ACER3: variants seen among roughly 807,000 people sequenced by gnomAD.
ACER3 encodes alkaline ceramidase 3, also known as alkCDase 3.
ACER3 carries 16 observed loss-of-function variants against 48.9 expected under a neutral mutation model. The observed-to-expected ratio is 0.33, with a 90% CI of 0.22 to 0.50. The LOEUF is 0.50. Among genes scored for constraint, ACER3 ranks in the 20% least tolerant of loss-of-function variants. The pLI, the probability that ACER3 is intolerant of heterozygous loss-of-function variation, is 0.98. For missense variants in ACER3, 227 were observed against 326.0 expected (o/e 0.70, Z 2.34); for synonymous variants, 109 against 107.8 (o/e 1.01, Z -0.07).
At chr11:76,907,836 A>G (rs1429872990) in intron 1 of ACER3, among the ~76,000 whole-genome samples, 1 of 152,176 alleles carries the variant, frequency 6.6e-6, no homozygotes, top group Non-Finnish European at 1.5e-5. Flanking sequence ...ATACCACTGC[A>G]CTCCAGCCTG....
At chr11:76,995,731 C>G (rs975657242) in intron 6 of ACER3, among the ~76,000 whole-genome samples, 2 of 152,118 alleles carry the variant, frequency 1.3e-5, no homozygotes, top group African/African-American at 4.8e-5. Context: ...AGGTAGGCCA[C>G]TAGCAGTGGG....
intron 6 of ACER3, among the ~76,000 whole-genome samples, chr11:76,993,196 GC>G (rs1948838533): frequency 3.3e-5 from 5 of 152,174 alleles, no homozygotes; most frequent in Admixed American, 2.6e-4. Flanking sequence ...CTTTTTAAGT[GC>G]CTTCAATGTT....
At chr11:76,948,334 T>C (rs1947538717) in intron 2 of ACER3, among the ~76,000 whole-genome samples, 1 of 151,680 alleles carries the variant, frequency 6.6e-6, no homozygotes, top group Non-Finnish European at 1.5e-5. Flanking sequence ...TCTGTTCCCT[T>C]GAGGGTAGAT....
At chr11:76,890,513 G>T (rs558290959) in intron 1 of ACER3, among the ~76,000 whole-genome samples, 1 of 152,170 alleles carries the variant, frequency 6.6e-6, no homozygotes, top group Non-Finnish European at 1.5e-5. Context: ...GGATACTAGA[G>T]AAATGATGAA....
chr11:76,960,325 C>T (rs1284533770), intron 3 of ACER3, among the ~76,000 whole-genome samples: 2 of 151,994 alleles, frequency 1.3e-5, no homozygotes, highest in African/African-American at 4.8e-5. Context: ...AGGAGAATCT[C>T]TTGAGCCTGG....
At chr11:76,932,158 C>G (rs897645040) in intron 2 of ACER3, among the ~76,000 whole-genome samples, 1 of 152,008 alleles carries the variant, frequency 6.6e-6, no homozygotes, top group Non-Finnish European at 1.5e-5. Context: ...CCATGTTGCC[C>G]AGGCTAATCT....
chr11:76,974,904 A>T (rs6592689), intron 3 of ACER3, among the ~76,000 whole-genome samples: 1 of 152,100 alleles, frequency 6.6e-6, no homozygotes, highest in Admixed American at 6.5e-5. Context: ...CTGCAGACCT[A>T]TTTCAAGCTG....
At position 76,902,677 on chromosome 11, in the gene ACER3, A is replaced by G. The variant is rs946859752; in HGVS notation, c.104-23880A>G. On this transcript the variant is annotated intron_variant, in intron 1 of 10. Coordinates refer to ENST00000532485, the MANE Select transcript of ACER3 (RefSeq NM_018367.7). ...CCTGTGGTGTTATTCAAAGTTTACA[A>G]TATTGCACTAAACACGATAAAAATA... Among the ~76,000 whole-genome samples the G allele has an allele frequency of 2.4e-4, 36 of 152,332 alleles. 1 individual carries two copies. Among genetic ancestry groups the G allele is most frequent in the African/African-American group, 8.4e-4 (35 of 41,584 alleles).
At chr11:76,913,276 C>T (rs1459354937) in intron 1 of ACER3, among the ~76,000 whole-genome samples, 3 of 152,064 alleles carry the variant, frequency 2.0e-5, no homozygotes, top group Non-Finnish European at 2.9e-5. Flanking sequence ...TGGGCTGAGA[C>T]GATGGGGTTT....
At chr11:76,865,377 A>G (rs1241885157) in intron 1 of ACER3, among the ~76,000 whole-genome samples, 1 of 152,048 alleles carries the variant, frequency 6.6e-6, no homozygotes, top group African/African-American at 2.4e-5. Context: ...AAATCTCTCC[A>G]AGAGTTCCTT....
chr11:76,925,986 C>T (rs1946820189), intron 1 of ACER3, among the ~76,000 whole-genome samples: 2 of 152,034 alleles, frequency 1.3e-5, no homozygotes, highest in Admixed American at 6.6e-5. Flanking sequence ...TTCATGTTTG[C>T]ACTTTGTTTT....
At chr11:77,003,162 G>A (rs1318654040) in intron 7 of ACER3, among the ~76,000 whole-genome samples, 1 of 152,146 alleles carries the variant, frequency 6.6e-6, no homozygotes, top group Admixed American at 6.5e-5. Context: ...TTAAACATAT[G>A]CAGAAAAATA....
intron 4 of ACER3, among the ~76,000 whole-genome samples, chr11:76,977,655 A>G (rs1948476315): frequency 1.3e-5 from 2 of 152,184 alleles, no homozygotes; most frequent in South Asian, 2.1e-4. Flanking sequence ...GCCCAGTTAG[A>G]GCAGCCACTG....
chr11:77,014,128 C>T (rs1391135530), intron 7 of ACER3, among the ~76,000 whole-genome samples: 2 of 152,134 alleles, frequency 1.3e-5, no homozygotes, highest in African/African-American at 4.8e-5. Flanking sequence ...AAATGTAAGT[C>T]AGTTATACCT....
rs782453531 is a variant in ACER3, at chr11:77,020,262, G to C, written c.751-12G>C. 6 of 1,612,990 alleles carry C rather than the reference G, an allele frequency of 3.7e-6. No individual in the cohort carries two copies. The East Asian group carries it at 1.1e-4, about 30-fold the overall frequency. On this transcript the variant is annotated splice_polypyrimidine_tract_variant and intron_variant, in intron 10 of 10. Transcript: ENST00000532485. ...GTCTTTTCTCATTTTGTCCTAATTT[G>C]TCCCCAAACAGTTTCTCTTTGGAAT...
At chr11:77,004,990 T>G (rs1298786233) in intron 7 of ACER3, among the ~76,000 whole-genome samples, 1 of 151,942 alleles carries the variant, frequency 6.6e-6, no homozygotes, top group Non-Finnish European at 1.5e-5. Context: ...CTCTGGTTTT[T>G]TGCTTTTATA....
At chr11:76,949,621 G>A (rs932177622) in intron 2 of ACER3, among the ~76,000 whole-genome samples, 9 of 151,946 alleles carry the variant, frequency 5.9e-5, no homozygotes, top group Non-Finnish European at 1.0e-4. Flanking sequence ...TTGTTTTCAC[G>A]TTTGACATTT....
Position 77,020,480 on chromosome 11 carries a change from A to G in ACER3, c.*153A>G, listed in dbSNP as rs1356164034. ...TAATGCTGCCACCCACACAGAGAAT[A>G]AGGAGTAGGGCCTGCTGGGTGTTTA... On this transcript the variant is annotated 3_prime_UTR_variant, in exon 11 of 11. Transcript: ENST00000532485. 3.8e-6 allele frequency: 3 copies of G among 780,044 alleles called. No homozygotes were observed. The African/African-American group carries it at 5.2e-5, about 14-fold the overall frequency. The allele number at this position is 780,044 out of a possible 1,614,324, so 48.3% of individuals were successfully genotyped here. A position where few individuals can be genotyped will look rare whatever the true frequency, so the allele number is the denominator to read the frequency against.
chr11:76,966,869 T>C (rs1226663017), intron 3 of ACER3, among the ~76,000 whole-genome samples: 1 of 150,858 alleles, frequency 6.6e-6, no homozygotes, highest in Non-Finnish European at 1.5e-5. Flanking sequence ...AGATCTACAA[T>C]TGACACCCTA....
Sources: gnomAD v4.1 joint callset for allele counts (sites outside exome capture counted in the v4.1 genomes callset) on GRCh38, gnomAD v4.1.1 for gene constraint, MANE v1.5 for transcripts, NCBI Gene and HGNC (gene_info 2026-07-23, HGNC 2026-07-21) for gene names.